Variants in OS9 observed in about 807,000 individuals in gnomAD.
OS9 encodes OS9 endoplasmic reticulum lectin, also known as protein OS-9.
OS9 carries 58 observed loss-of-function variants against 84.7 expected under a neutral mutation model. That is an observed-to-expected ratio of 0.68 (90% confidence interval 0.55 to 0.85). The LOEUF (loss-of-function observed/expected upper bound fraction) is 0.85, where lower values mean the gene tolerates loss of function less well. Ranked by LOEUF, OS9 falls within the 40% of genes least tolerant of loss-of-function variation. The pLI, the probability that OS9 is intolerant of heterozygous loss-of-function variation, is 0.00. For missense variants in OS9, 760 were observed against 850.9 expected (o/e 0.89, Z 1.33); for synonymous variants, 278 against 320.8 (o/e 0.87, Z 1.43).
At position 57,716,764 on chromosome 12, in the gene OS9, C is replaced by T. The variant is rs759247452; in HGVS notation, c.1045+20C>T. 11 of 1,606,584 alleles carry T rather than the reference C, an allele frequency of 6.8e-6. No homozygotes were observed. Among genetic ancestry groups the T allele is most frequent in the Admixed American group, 5.0e-5 (3 of 60,006 alleles). On this transcript the variant is annotated intron_variant, in intron 9 of 14. Transcript: ENST00000315970. ...CCAATGGTGAGTGAACCTTCCATGTCTCCTTTACTGAATATATTTTAGGAT... is the reference window on the plus strand; with the variant it reads ...CCAATGGTGAGTGAACCTTCCATGTTTCCTTTACTGAATATATTTTAGGAT...
At chr12:57,703,169 C>A (rs895101279) in intron 5 of OS9, among the ~76,000 whole-genome samples, 1 of 152,202 alleles carries the variant, frequency 6.6e-6, no homozygotes, top group Non-Finnish European at 1.5e-5. Context: ...GATTCTCCTG[C>A]ATCAGCAGTG....
At chr12:57,718,837 G>A (rs1334773864) in intron 11 of OS9, among the ~76,000 whole-genome samples, 156 bp from the exon 12 acceptor site, 10 of 152,252 alleles carry the variant, frequency 6.6e-5, no homozygotes, top group African/African-American at 2.4e-4. Context: ...CCCGGGAGGC[G>A]GAGGTTGCAG....
chr12:57,709,710 AT>A (rs950691256), intron 5 of OS9, among the ~76,000 whole-genome samples: 1 of 152,090 alleles, frequency 6.6e-6, no homozygotes, highest in Admixed American at 6.6e-5. Flanking sequence ...AATTTTGTTA[AT>A]TTTTTATTTA....
Position 57,695,974 on chromosome 12 carries a change from A to G in OS9, c.416A>G (p.Lys139Arg), listed in dbSNP as rs779038173. Residue 139 changes from lysine to arginine, a missense_variant, in exon 4 of 15, where the codon AAA becomes AGA. Coordinates refer to ENST00000315970, the MANE Select transcript of OS9 (RefSeq NM_006812.4). ...GCTTCCCTTGCAGATTCAGAGATCA[A>G]AGGTGAAGTCCTCTATCTCGGCTAC... is the stretch of plus-strand genomic sequence containing the variant. ...QQYHMEDSEIKGEVLYLGYYQ... is the reference protein window; with the variant it reads ...QQYHMEDSEIRGEVLYLGYYQ... 2.5e-6 allele frequency: 4 copies of G among 1,613,198 alleles called. No homozygotes were observed. Among genetic ancestry groups the G allele is most frequent in the Admixed American group, 1.7e-5 (1 of 60,010 alleles).
chr12:57,703,517 C>G (rs1326596921), intron 5 of OS9, among the ~76,000 whole-genome samples: 1 of 152,180 alleles, frequency 6.6e-6, no homozygotes, highest in South Asian at 2.1e-4. Flanking sequence ...CTGTCCTTTC[C>G]CCATGGAATA....
chr12:57,719,354 C>T (rs943660616), intron 12 of OS9, 172 bp downstream of exon 12: 16 of 608,106 alleles, frequency 2.6e-5, no homozygotes, highest in Admixed American at 6.0e-5. Context: ...CATCCCTTTG[C>T]GTGTTTACCT....
Position 57,720,198 on chromosome 12 carries a change from C to A in OS9, c.1700C>A (p.Pro567Gln), listed in dbSNP as rs775557858. ...LTVLEMKREN[P>Q]QLKQIEGLVK... ...GTCCTCGAGATGAAACGGGAAAACC[C>A]ACAGCTGAAACAAATCGAGGGGCTG... Residue 567 changes from proline (P) to glutamine (Q), a missense_variant, in exon 13 of 15, where the codon CCA (proline) becomes CAA (glutamine). Pro to Gln is a moderately conservative substitution (Grantham distance 76, BLOSUM62 -1). Transcript: ENST00000315970. 2.0e-5 allele frequency: 32 copies of A among 1,614,184 alleles called. No individual in the cohort carries two copies. The highest frequency in any genetic ancestry group is 2.5e-5 in the Non-Finnish European group (30 of 1,180,044).
At chr12:57,694,423 G>T in intron 1 of OS9, 100 bp downstream of exon 1, 1 of 1,284,134 alleles carries the variant, frequency 7.8e-7, no homozygotes, top group Non-Finnish European at 1.1e-6. Context: ...GAGCCTACGG[G>T]GAATCGGGAA....
chr12:57,717,226 G>T (rs1373855929), intron 9 of OS9, among the ~76,000 whole-genome samples: 3 of 152,220 alleles, frequency 2.0e-5, no homozygotes, highest in Non-Finnish European at 1.5e-5. Flanking sequence ...CAGCTTGTTA[G>T]CATCCATCTC....
At position 57,721,191 on chromosome 12, in the gene OS9, A is replaced by G. The variant is rs1954671465; in HGVS notation, c.*282A>G. The G allele has an allele frequency of 2.8e-6, 1 of 362,116 alleles. No individual in the cohort carries two copies. The highest frequency in any genetic ancestry group is 5.2e-6 in the Non-Finnish European group (1 of 192,612). The allele number at this position is 362,116 out of a possible 1,614,324, so 22.4% of individuals were successfully genotyped here. On this transcript the variant is annotated 3_prime_UTR_variant, in exon 15 of 15. Transcript: ENST00000315970. ...TGGCTTTTCCTGTTATTGTCCCCTA[A>G]TGATAGGATATTCCCTGCTGCCTAC...
At chr12:57,702,909 C>T (rs1954065980) in intron 5 of OS9, among the ~76,000 whole-genome samples, 1 of 152,054 alleles carries the variant, frequency 6.6e-6, no homozygotes, top group Non-Finnish European at 1.5e-5. Flanking sequence ...CTATTCAAAT[C>T]CTCTGCCCAT....
At chr12:57,714,352 A>G (rs1954420378) in intron 5 of OS9, among the ~76,000 whole-genome samples, 1 of 152,042 alleles carries the variant, frequency 6.6e-6, no homozygotes, top group Non-Finnish European at 1.5e-5. Flanking sequence ...GATTACAGGC[A>G]TGTGCCACAA....
chr12:57,708,878 G>A (rs868195364), intron 5 of OS9, among the ~76,000 whole-genome samples: 1 of 152,154 alleles, frequency 6.6e-6, no homozygotes, highest in African/African-American at 2.4e-5. Flanking sequence ...TACGTGCTGC[G>A]AAATCACTCT....
intron 5 of OS9, among the ~76,000 whole-genome samples, chr12:57,710,522 A>G (rs1226331121): frequency 6.6e-6 from 1 of 151,768 alleles, no homozygotes; most frequent in African/African-American, 2.4e-5. Flanking sequence ...CCTTCCTTCT[A>G]CTTTTCTGGG....
In OS9 at chr12:57,720,936, G is replaced by A. The variant is rs770344152; in HGVS notation, c.*27G>A. The A allele has an allele frequency of 3.4e-5, 55 of 1,613,476 alleles. No homozygotes were observed. Among genetic ancestry groups the A allele is most frequent in the Admixed American group, 5.0e-5 (3 of 59,956 alleles). On this transcript the variant is annotated 3_prime_UTR_variant, in exon 15 of 15. Coordinates refer to ENST00000315970, the MANE Select transcript of OS9 (RefSeq NM_006812.4). Reference sequence around the variant, plus strand: ...ACCAACACTACACTTGACCCTTCACGGAATCCAGACTCTTCCTGGACTGGC... The same window carrying A: ...ACCAACACTACACTTGACCCTTCACAGAATCCAGACTCTTCCTGGACTGGC...
intron 5 of OS9, among the ~76,000 whole-genome samples, chr12:57,708,606 C>T (rs1262890396): frequency 6.9e-6 from 1 of 145,824 alleles, no homozygotes; most frequent in East Asian, 2.0e-4. Flanking sequence ...CCAGCCTGAG[C>T]AAAAGAGTGA....
At chr12:57,700,510 A>G (rs907371802) in intron 5 of OS9, among the ~76,000 whole-genome samples, 3 of 152,144 alleles carry the variant, frequency 2.0e-5, no homozygotes, top group African/African-American at 7.2e-5. Context: ...CCACTTGCCT[A>G]GGTGATCAGG....
Position 57,694,136 on chromosome 12 carries a change from T to C in OS9, c.-26T>C, listed in dbSNP as rs774683138. On this transcript the variant is annotated 5_prime_UTR_variant, in exon 1 of 15. Coordinates refer to ENST00000315970, the MANE Select transcript of OS9 (RefSeq NM_006812.4). Reference sequence around the variant, plus strand: ...TGCCTGGCTTAGGGCGGAAACAGATTCTCTGCATAAGAAGGGGAACGAAAG... The same window carrying C: ...TGCCTGGCTTAGGGCGGAAACAGATCCTCTGCATAAGAAGGGGAACGAAAG... The C allele has an allele frequency of 6.2e-7, 1 of 1,613,542 alleles. No homozygotes were observed. Among genetic ancestry groups the C allele is most frequent in the South Asian group, 1.1e-5 (1 of 91,070 alleles).
At chr12:57,714,170 T>C (rs1275770000) in intron 5 of OS9, among the ~76,000 whole-genome samples, 1 of 152,166 alleles carries the variant, frequency 6.6e-6, no homozygotes, top group Non-Finnish European at 1.5e-5. Context: ...TATATGTCCT[T>C]AGGAAAATTT....
Sources: gnomAD v4.1 joint callset for allele counts (sites outside exome capture counted in the v4.1 genomes callset) on GRCh38, gnomAD v4.1.1 for gene constraint, MANE v1.5 for transcripts, NCBI Gene and HGNC (gene_info 2026-07-23, HGNC 2026-07-21) for gene names.